The following RRAS2 variants were observed in gnomAD, a reference collection of about 807,000 sequenced individuals.
RRAS2 encodes ras-related protein R-Ras2.
In RRAS2, 7 loss-of-function variants were observed where a neutral mutation model predicts 27.6. The observed-to-expected ratio is 0.25, with a 90% CI of 0.14 to 0.48. The LOEUF is 0.48. Among genes scored for constraint, RRAS2 ranks in the 20% least tolerant of loss-of-function variants. The pLI is 0.99. For missense variants in RRAS2, 178 were observed against 256.2 expected (o/e 0.69, Z 2.08); for synonymous variants, 86 against 90.9 (o/e 0.95, Z 0.31).
chr11:14,356,626 A>G, intron 1 of RRAS2: 1 of 282,100 alleles, frequency 3.5e-6, no homozygotes, highest in Non-Finnish European at 6.9e-6. Context: ...ACACATGCTC[A>G]AGTCTGTAAG....
rs1849133483 is a variant in RRAS2, at chr11:14,358,578, G to A, written c.108+185C>T. The A allele has an allele frequency of 1.0e-6, 1 of 986,062 alleles. No individual in the cohort carries two copies. Among genetic ancestry groups the A allele is most frequent in the Non-Finnish European group, 1.2e-6 (1 of 830,476 alleles). 61.1% of individuals were successfully genotyped at this position (986,062 alleles called of 1,614,324 possible). A position where few individuals can be genotyped will look rare whatever the true frequency, so the allele number is the denominator to read the frequency against. On this transcript the variant is annotated intron_variant, in intron 1 of 5. Coordinates refer to ENST00000256196, the MANE Select transcript of RRAS2 (RefSeq NM_012250.6). This position sits in a 1 kb window ranked among gnomAD's most constrained non-coding sequence, Gnocchi z 5.1. The stretch of plus-strand genomic sequence containing the variant: ...CCCGCGACGCCGCGCCCGGGAGGAG[G>A]CAGGAGCGCGACGCTGCGGCCGCAG...
intron 5 of RRAS2, 50 bp downstream of exon 5, chr11:14,281,552 C>G (rs781921395): frequency 1.4e-6 from 2 of 1,390,148 alleles, no homozygotes; most frequent in East Asian, 2.4e-5. Flanking sequence ...TTACTAAAAA[C>G]ATTTAATAGT....
intron 1 of RRAS2, among the ~76,000 whole-genome samples, chr11:14,328,366 C>CAAAAAAAAAAAAAA (rs71041596): frequency 1.5e-5 from 1 of 67,716 alleles, no homozygotes; most frequent in Non-Finnish European, 2.6e-5. Flanking sequence ...AACTCCAACT[C>CAAAAAAAAAAAAAA]AAAAAAAAAA....
chr11:14,333,498 T>C (rs1848523902), intron 1 of RRAS2, among the ~76,000 whole-genome samples: 1 of 151,020 alleles, frequency 6.6e-6, no homozygotes, highest in African/African-American at 2.5e-5. Flanking sequence ...ACAAAAATAA[T>C]TAAAATCATC....
chr11:14,282,540 C>CT (rs1849568678), intron 4 of RRAS2, among the ~76,000 whole-genome samples: 1 of 152,044 alleles, frequency 6.6e-6, no homozygotes, highest in Admixed American at 6.6e-5. Flanking sequence ...TTATTAAACT[C>CT]TATTACATTT....
At chr11:14,279,861 G>A (rs573091928) in intron 5 of RRAS2, among the ~76,000 whole-genome samples, 2 of 152,134 alleles carry the variant, frequency 1.3e-5, no homozygotes, top group African/African-American at 4.8e-5. Context: ...TTTTTTTAGA[G>A]GGGAATAATG....
intron 1 of RRAS2, among the ~76,000 whole-genome samples, chr11:14,325,001 C>T (rs1554950811): frequency 6.6e-6 from 1 of 152,118 alleles, no homozygotes; most frequent in Non-Finnish European, 1.5e-5. Flanking sequence ...CTAAGCACAG[C>T]CTGTATTATC....
rs552854198 is a variant in RRAS2 at position 14,340,736 on chromosome 11, T to A, written c.108+18027A>T. On this transcript the variant is annotated intron_variant, in intron 1 of 5. Coordinates refer to ENST00000256196, the MANE Select transcript of RRAS2 (RefSeq NM_012250.6). ...CACCATGAGTTAATTCCTAGGTAATTCCCAAAAAGGATATAATCCAAACCT... is the reference window on the plus strand; with the variant it reads ...CACCATGAGTTAATTCCTAGGTAATACCCAAAAAGGATATAATCCAAACCT... Among the ~76,000 whole-genome samples the A allele has an allele frequency of 2.0e-5, 3 of 152,184 alleles. No homozygotes were observed. In the South Asian group the frequency reaches 6.2e-4, roughly 32 times the overall value.
At chr11:14,331,754 T>A in intron 1 of RRAS2, among the ~76,000 whole-genome samples, 1 of 141,990 alleles carries the variant, frequency 7.0e-6, no homozygotes, top group Admixed American at 7.0e-5. Context: ...AAGGAACAAA[T>A]GAAAAGGCAA....
At chr11:14,294,409 T>G in intron 4 of RRAS2, 62 bp downstream of exon 4, 1 of 1,100,764 alleles carries the variant, frequency 9.1e-7, no homozygotes, top group Non-Finnish European at 1.3e-6. Flanking sequence ...TTTCCTTAAA[T>G]CTATCAGTTC....
chr11:14,345,251 G>T (rs1848806287), intron 1 of RRAS2, among the ~76,000 whole-genome samples: 1 of 152,070 alleles, frequency 6.6e-6, no homozygotes, highest in Admixed American at 6.5e-5. Context: ...CTCCCAAAGT[G>T]CTGGGATTAC....
chr11:14,302,276 T>C (rs1591455360), intron 1 of RRAS2, among the ~76,000 whole-genome samples: 1 of 152,212 alleles, frequency 6.6e-6, no homozygotes, highest in African/African-American at 2.4e-5. Context: ...AGCATTTCCC[T>C]ATTATTACTT....
chr11:14,288,014 T>C (rs1028908427), intron 4 of RRAS2, among the ~76,000 whole-genome samples: 2 of 152,222 alleles, frequency 1.3e-5, no homozygotes, highest in Non-Finnish European at 2.9e-5. Flanking sequence ...AGGGTCTCAC[T>C]CTGTCACCCA....
intron 1 of RRAS2, among the ~76,000 whole-genome samples, chr11:14,310,523 A>G (rs141380606): frequency 6.6e-6 from 1 of 152,352 alleles, no homozygotes; most frequent in East Asian, 1.9e-4. Flanking sequence ...GAAGAAAATA[A>G]TTTAAGAAGG....
rs1159761863 is a variant in RRAS2 at position 14,278,327 on chromosome 11, A to C, written c.*1010T>G. On this transcript the variant is annotated 3_prime_UTR_variant, in exon 6 of 6. Transcript: ENST00000256196. ...TTCTACCACAGTTTCTGTAGTTTCC[A>C]CTTGTTTTTCTTTGTCAGTTAAAAG... is the stretch of plus-strand genomic sequence containing the variant. The C allele has an allele frequency of 6.6e-6, 1 of 152,220 alleles. No homozygotes were observed. Among genetic ancestry groups the C allele is most frequent in the Non-Finnish European group, 1.5e-5 (1 of 68,034 alleles). The allele number at this position is 152,220 out of a possible 1,614,324, so 9.4% of individuals were successfully genotyped here.
chr11:14,344,034 T>C (rs1385533092), intron 1 of RRAS2, among the ~76,000 whole-genome samples: 2 of 152,028 alleles, frequency 1.3e-5, no homozygotes, highest in Non-Finnish European at 2.9e-5. Flanking sequence ...TCCCAGTTAC[T>C]GGAGAGGCTG....
intron 5 of RRAS2, among the ~76,000 whole-genome samples, chr11:14,280,406 G>A (rs543828143): frequency 2.0e-5 from 3 of 152,030 alleles, no homozygotes; most frequent in African/African-American, 4.8e-5. Context: ...GAAGATCATC[G>A]CTCAGGTGTC....
At chr11:14,310,496 T>C (rs2133982535) in intron 1 of RRAS2, among the ~76,000 whole-genome samples, 1 of 152,186 alleles carries the variant, frequency 6.6e-6, no homozygotes, top group South Asian at 2.1e-4. Flanking sequence ...AAGAAAATGG[T>C]AGCCAGGAGG....
At chr11:14,315,958 A>G (rs1396686827) in intron 1 of RRAS2, among the ~76,000 whole-genome samples, 2 of 152,232 alleles carry the variant, frequency 1.3e-5, no homozygotes, top group African/African-American at 4.8e-5. Flanking sequence ...ATTTACTGTG[A>G]TAAGAATGTA....
Sources: gnomAD v4.1 joint callset for allele counts (sites outside exome capture counted in the v4.1 genomes callset) on GRCh38, gnomAD v4.1.1 for gene constraint, Gnocchi (gnomAD v3.1) non-coding constraint, MANE v1.5 for transcripts, NCBI Gene and HGNC (gene_info 2026-07-23, HGNC 2026-07-21) for gene names.